Variants in MYOC observed in about 807,000 individuals in gnomAD.
MYOC encodes the protein juvenile-onset open-angle glaucoma 1.
A neutral mutation model predicts 28.2 loss-of-function variants in MYOC; 29 were observed. The ratio of observed to expected loss-of-function variants is 1.03; its 90% confidence interval spans 0.77 to 1.40. The LOEUF (loss-of-function observed/expected upper bound fraction) is 1.40. Among genes scored for constraint, MYOC ranks in the 40% most tolerant of loss-of-function variants. MYOC has a pLI of 0.00. For missense variants in MYOC, 569 were observed against 620.6 expected (o/e 0.92, Z 0.88); for synonymous variants, 240 against 245.6 (o/e 0.98, Z 0.21).
At chr1:171,649,980 C>G (rs1256527930) in intron 1 of MYOC, among the ~76,000 whole-genome samples, 1 of 152,086 alleles carries the variant, frequency 6.6e-6, no homozygotes, top group African/African-American at 2.4e-5. Context: ...CATTCTTGTA[C>G]TAATGTAATT....
At position 171,651,695 on chromosome 1, in the gene MYOC, T is replaced by C. The variant is rs188374762; in HGVS notation, c.604+313A>G. On this transcript the variant is annotated intron_variant, in intron 1 of 2. Transcript: ENST00000037502. Reference sequence around the variant, plus strand: ...AAGGATAGTTTTTCAAAAGGGACAATTGACAACTTTCTACTGCTCATATGC... The same window carrying C: ...AAGGATAGTTTTTCAAAAGGGACAACTGACAACTTTCTACTGCTCATATGC... Among the ~76,000 whole-genome samples, 180 of 152,300 alleles carry C rather than the reference T, an allele frequency of 1.2e-3. 1 individual carries two copies. Among genetic ancestry groups the C allele is most frequent in the African/African-American group, 4.3e-3 (177 of 41,576 alleles).
Position 171,636,175 on chromosome 1 carries a change from C to T in MYOC, c.1265G>A (p.Arg422His), listed in dbSNP as rs201573718. 4.6e-5 allele frequency: 74 copies of T among 1,614,162 alleles called. No homozygotes were observed. The highest frequency in any genetic ancestry group is 9.9e-5 in the South Asian group (9 of 91,070). Residue 422 changes from arginine to histidine, a missense_variant, in exon 3 of 3, where the codon CGT becomes CAT. By Grantham distance (29) the Arg-to-His change is conservative. Coordinates refer to ENST00000037502, the MANE Select transcript of MYOC (RefSeq NM_000261.2). Reference sequence around the variant, plus strand: ...GAAGGCATTGGCGACTGACTGCTTACGGATGTTTGTCTCCCAGGTTTGTTC... The same window carrying T: ...GAAGGCATTGGCGACTGACTGCTTATGGATGTTTGTCTCCCAGGTTTGTTC... ...ELEQTWETNIRKQSVANAFII... is the reference protein window; with the variant it reads ...ELEQTWETNIHKQSVANAFII...
Position 171,636,036 on chromosome 1 carries a change from C to T in MYOC, c.1404G>A (p.Lys468=), listed in dbSNP as rs766884379. 2 of 1,614,078 alleles carry T rather than the reference C, an allele frequency of 1.2e-6. No individual in the cohort carries two copies. The highest frequency in any genetic ancestry group is 1.7e-6 in the Non-Finnish European group (2 of 1,180,056). ...GISKTLTIPF[K]NRYKYSSMID... ...TCATGCTGCTGTACTTATAGCGGTT[C>T]TTGAATGGGATGGTCAGGGTCTTGC... The change falls in exon 3 of 3, where the codon AAG becomes AAA. Residue 468 remains lysine, a synonymous_variant. Transcript: ENST00000037502.
chr1:171,636,553 C>A lies in MYOC; in HGVS notation c.887G>T (p.Arg296Leu), dbSNP rs145934417. ...WRIDTVGTDV[R>L]QVFEYDLISQ... ...GATGAGGTCATACTCAAAAACCTGG[C>A]GGACATCCGTGCCAACTGTGTCGAT... is the stretch of plus-strand genomic sequence containing the variant. Residue 296 changes from arginine (R) to leucine (L), a missense_variant, in exon 3 of 3, where the codon CGC becomes CTC. By Grantham distance (102) the Arg-to-Leu change is moderately radical. Transcript: ENST00000037502. The A allele has an allele frequency of 6.2e-7, 1 of 1,608,142 alleles. No homozygotes were observed. Among genetic ancestry groups the A allele is most frequent in the Non-Finnish European group, 8.5e-7 (1 of 1,176,246 alleles).
intron 1 of MYOC, among the ~76,000 whole-genome samples, chr1:171,642,065 A>G (rs1163907170): frequency 6.6e-6 from 1 of 152,194 alleles, no homozygotes; most frequent in Non-Finnish European, 1.5e-5. Context: ...TTCTCCCTGG[A>G]AGGAGGTGAA....
chr1:171,645,431 G>A (rs1336530784), intron 1 of MYOC, among the ~76,000 whole-genome samples: 1 of 152,164 alleles, frequency 6.6e-6, no homozygotes, highest in Admixed American at 6.5e-5. Context: ...CAGACCAGCT[G>A]AGGCCTGCAC....
rs756472086 is a variant in MYOC, at chr1:171,636,034, T to C, written c.1406A>G (p.Asn469Ser). The C allele has an allele frequency of 4.5e-5, 72 of 1,614,044 alleles. No homozygotes were observed. Among genetic ancestry groups the C allele is most frequent in the Non-Finnish European group, 6.0e-5 (71 of 1,180,042 alleles). Reference protein sequence around the residue: ...ISKTLTIPFKNRYKYSSMIDY... With the variant: ...ISKTLTIPFKSRYKYSSMIDY... ...AATCATGCTGCTGTACTTATAGCGGTTCTTGAATGGGATGGTCAGGGTCTT... is the reference window on the plus strand; with the variant it reads ...AATCATGCTGCTGTACTTATAGCGGCTCTTGAATGGGATGGTCAGGGTCTT... Residue 469 changes from asparagine to serine, a missense_variant, in exon 3 of 3, where the codon AAC becomes AGC. Transcript: ENST00000037502.
At chr1:171,649,652 G>A (rs545915676) in intron 1 of MYOC, among the ~76,000 whole-genome samples, 24 of 152,182 alleles carry the variant, frequency 1.6e-4, no homozygotes, top group Non-Finnish European at 2.4e-4. Context: ...AAAATTAGCC[G>A]GGCATGGTGG....
chr1:171,641,286 C>T (rs977300662), intron 1 of MYOC, among the ~76,000 whole-genome samples: 3 of 152,006 alleles, frequency 2.0e-5, no homozygotes, highest in African/African-American at 7.2e-5. Context: ...CAGGAGGCCA[C>T]CTGGGGAAGC....
At position 171,636,430 on chromosome 1, in the gene MYOC, T is replaced by C. The variant is rs74315335; in HGVS notation, c.1010A>G (p.Gln337Arg). The change falls in exon 3 of 3, where the codon CAG becomes CGG. Residue 337 changes from glutamine to arginine, a missense_variant. Coordinates refer to ENST00000037502, the MANE Select transcript of MYOC (RefSeq NM_000261.2). ...AVVYSGSLYFQGAESRTVIRY... is the reference protein window; with the variant it reads ...AVVYSGSLYFRGAESRTVIRY... ...TATGACAGTTCTGGACTCAGCGCCCTGGAAATAGAGGCTCCCCGAGTACAC... is the reference window on the plus strand; with the variant it reads ...TATGACAGTTCTGGACTCAGCGCCCCGGAAATAGAGGCTCCCCGAGTACAC... 6.2e-7 allele frequency: 1 copy of C among 1,614,108 alleles called. No homozygotes were observed. The highest frequency in any genetic ancestry group is 8.5e-7 in the Non-Finnish European group (1 of 1,180,018).
At chr1:171,651,083 C>G (rs1653340336) in intron 1 of MYOC, among the ~76,000 whole-genome samples, 1 of 152,162 alleles carries the variant, frequency 6.6e-6, no homozygotes, top group Non-Finnish European at 1.5e-5. Flanking sequence ...AAGACTCATG[C>G]ACTACATTTG....
At chr1:171,651,349 C>CA (rs199951933) in intron 1 of MYOC, among the ~76,000 whole-genome samples, 20 of 149,122 alleles carry the variant, frequency 1.3e-4, no homozygotes, top group Middle Eastern at 3.5e-3. Flanking sequence ...CCGCACCCCC[C>CA]CCACACACAC....
At position 171,636,600 on chromosome 1, in the gene MYOC, G is replaced by A; in HGVS notation, c.840C>T (p.Tyr280=). ...CGATTCTCCACGTGGTCTCCTGGGTGTAGGGGTAGGTGGGCTTGGGGTCTC... is the reference window on the plus strand; with the variant it reads ...CGATTCTCCACGTGGTCTCCTGGGTATAGGGGTAGGTGGGCTTGGGGTCTC... ...WMRDPKPTYP[Y]TQETTWRIDT... The change falls in exon 3 of 3, where the codon TAC becomes TAT. Residue 280 remains tyrosine (Y), a synonymous_variant. Transcript: ENST00000037502. 5 of 1,613,324 alleles carry A rather than the reference G, an allele frequency of 3.1e-6. No homozygotes were observed. The highest frequency in any genetic ancestry group is 4.2e-6 in the Non-Finnish European group (5 of 1,179,600).
At chr1:171,651,919 G>A (rs747001693) in intron 1 of MYOC, 89 bp downstream of exon 1, 82 of 1,575,532 alleles carry the variant, frequency 5.2e-5, no homozygotes, top group Middle Eastern at 1.7e-4. Context: ...AGGAGAAAGG[G>A]CAGGCAGGGA....
At position 171,636,533 on chromosome 1, in the gene MYOC, G is replaced by T. The variant is rs144469479; in HGVS notation, c.907C>A (p.Leu303Ile). The T allele has an allele frequency of 3.8e-5, 61 of 1,609,338 alleles. No homozygotes were observed. In the African/African-American group the frequency reaches 7.9e-4, roughly 21 times the overall value. Residue 303 changes from leucine (L) to isoleucine (I), a missense_variant, in exon 3 of 3, where the codon CTC (leucine) becomes ATC (isoleucine). Leu to Ile is a conservative substitution (Grantham distance 5). Transcript: ENST00000037502. ...TDVRQVFEYDLISQFMQGYPS... is the reference protein window; with the variant it reads ...TDVRQVFEYDIISQFMQGYPS... ...TAGCCCTGCATAAACTGGCTGATGA[G>T]GTCATACTCAAAAACCTGGCGGACA...
chr1:171,635,992 T>C lies in MYOC; in HGVS notation c.1448A>G (p.Glu483Gly). 6.2e-7 allele frequency: 1 copy of C among 1,614,176 alleles called. No individual in the cohort carries two copies. The highest frequency in any genetic ancestry group is 8.5e-7 in the Non-Finnish European group (1 of 1,180,028). ...YSSMIDYNPL[E>G]KKLFAWDNLN... ...GTTGTCCCAGGCAAAGAGCTTCTTC[T>C]CCAGGGGGTTGTAGTCAATCATGCT... The change falls in exon 3 of 3, where the codon GAG becomes GGG. Residue 483 changes from glutamate to glycine, a missense_variant. Transcript: ENST00000037502.
In MYOC at chr1:171,636,201, G is replaced by A. The variant is rs749164354; in HGVS notation, c.1239C>T (p.Leu413=). 3.7e-5 allele frequency: 59 copies of A among 1,614,040 alleles called. No individual in the cohort carries two copies. The highest frequency in any genetic ancestry group is 1.8e-4 in the South Asian group (16 of 91,084). The change falls in exon 3 of 3, where the codon CTC becomes CTT. Residue 413 remains leucine, a synonymous_variant. Coordinates refer to ENST00000037502, the MANE Select transcript of MYOC (RefSeq NM_000261.2). ...LSKLNPENLE[L]EQTWETNIRK... is the part of the protein sequence containing the mutation. ...GGATGTTTGTCTCCCAGGTTTGTTCGAGTTCCAGATTCTCTGGGTTCAGTT... is the reference window on the plus strand; with the variant it reads ...GGATGTTTGTCTCCCAGGTTTGTTCAAGTTCCAGATTCTCTGGGTTCAGTT...
chr1:171,635,677 A>G lies in MYOC; in HGVS notation c.*248T>C. ...CCCAAATCACAAGAAAACTTGAACT[A>G]TGTCATTAAACATCCCATAAATGCT... On this transcript the variant is annotated 3_prime_UTR_variant, in exon 3 of 3. Transcript: ENST00000037502. 3.6e-6 allele frequency: 2 copies of G among 558,906 alleles called. No homozygotes were observed. The highest frequency in any genetic ancestry group is 6.1e-5 in the Admixed American group (2 of 32,750). The allele number at this position is 558,906 out of a possible 1,614,324, so 34.6% of individuals were successfully genotyped here. A position where few individuals can be genotyped will look rare whatever the true frequency, so the allele number is the denominator to read the frequency against.
chr1:171,640,608 C>T (rs1653053821), intron 1 of MYOC, among the ~76,000 whole-genome samples: 1 of 152,012 alleles, frequency 6.6e-6, no homozygotes, highest in Non-Finnish European at 1.5e-5. Flanking sequence ...GTGATGTGTA[C>T]CTGCAGTCCC....
Sources: gnomAD v4.1 joint callset for allele counts (sites outside exome capture counted in the v4.1 genomes callset) on GRCh38, gnomAD v4.1.1 for gene constraint, MANE v1.5 for transcripts, NCBI Gene and HGNC (gene_info 2026-07-23, HGNC 2026-07-21) for gene names.